The following SAMD5 variants were observed in gnomAD, a reference collection of about 807,000 sequenced individuals.
SAMD5 encodes the protein sterile alpha motif domain-containing protein 5.
Under a neutral mutation model 11.3 loss-of-function variants are expected in SAMD5, and 13 were observed. The ratio of observed to expected loss-of-function variants is 1.15; its 90% CI spans 0.75 to 1.83. The LOEUF (loss-of-function observed/expected upper bound fraction) is 1.83. SAMD5 is among the 40% of genes most tolerant of loss of function. The pLI, the probability that SAMD5 is intolerant of heterozygous loss-of-function variation, is 0.00. For missense variants in SAMD5, 255 were observed against 239.1 expected (o/e 1.07, Z -0.44); for synonymous variants, 129 against 111.3 (o/e 1.16, Z -1.00).
the SAMD5 span, among the ~76,000 whole-genome samples, chr6:147,777,873 A>G: frequency 6.6e-6 from 1 of 152,114 alleles, no homozygotes; most frequent in Non-Finnish European, 1.5e-5. Flanking sequence ...AAAATATTCC[A>G]TTGTATGTAT....
chr6:147,606,430 G>T (rs1273786818), intron 1 of SAMD5, among the ~76,000 whole-genome samples: 2 of 151,972 alleles, frequency 1.3e-5, no homozygotes, highest in African/African-American at 4.8e-5. Flanking sequence ...CCATGGGTGA[G>T]ATTAGGCAGG....
chr6:147,691,568 C>T (rs1791103690), intron 1 of SAMD5, among the ~76,000 whole-genome samples: 1 of 152,060 alleles, frequency 6.6e-6, no homozygotes, highest in African/African-American at 2.4e-5. Context: ...AATGTAGCAG[C>T]TTGGGAAGCT....
intron 1 of SAMD5, among the ~76,000 whole-genome samples, chr6:147,539,795 G>T (rs1477800143): frequency 6.6e-6 from 1 of 151,628 alleles, no homozygotes; most frequent in Admixed American, 6.6e-5. Context: ...AAAACCTAAA[G>T]GCCTTTTAAA....
chr6:147,638,226 C>T (rs1053553877), intron 1 of SAMD5, among the ~76,000 whole-genome samples: 6 of 152,086 alleles, frequency 3.9e-5, no homozygotes, highest in Admixed American at 2.6e-4. Flanking sequence ...CATTGCTTCT[C>T]GATAAGAAAC....
chr6:147,539,017 T>C (rs1460962180), intron 1 of SAMD5, among the ~76,000 whole-genome samples: 2 of 152,180 alleles, frequency 1.3e-5, no homozygotes, highest in African/African-American at 4.8e-5. Context: ...TTTGCCAGTT[T>C]TGTAATTGGA....
At chr6:147,853,416 A>G in the SAMD5 span, among the ~76,000 whole-genome samples, 5 of 152,100 alleles carry the variant, frequency 3.3e-5, no homozygotes, top group Admixed American at 6.6e-5. Flanking sequence ...AATATCAAGC[A>G]GGAGCTAACT....
chr6:147,562,892 A>G (rs1454485176), intron 1 of SAMD5, among the ~76,000 whole-genome samples: 1 of 152,086 alleles, frequency 6.6e-6, no homozygotes, highest in Admixed American at 6.5e-5. Context: ...TCCCTTCTCT[A>G]TGGAATTTTC....
chr6:147,588,936 T>C (rs764416581), intron 1 of SAMD5, among the ~76,000 whole-genome samples: 26 of 152,062 alleles, frequency 1.7e-4, no homozygotes, highest in Admixed American at 2.0e-4. Flanking sequence ...TACCTTCTGG[T>C]TTATGCCTGT....
chr6:147,879,871 G>A, the SAMD5 span, among the ~76,000 whole-genome samples: 831 of 152,296 alleles, frequency 5.5e-3, 17 homozygotes, highest in East Asian at 0.048. Flanking sequence ...ACACCTAGAC[G>A]TGGTTTCTTT....
the SAMD5 span, among the ~76,000 whole-genome samples, chr6:147,823,166 T>C: frequency 6.6e-6 from 1 of 152,210 alleles, no homozygotes; most frequent in South Asian, 2.1e-4. Flanking sequence ...GTGCTTGACT[T>C]ATTTATATTT....
Position 147,673,334 on chromosome 6 carries a change from C to T in SAMD5, c.163-63983C>T, listed in dbSNP as rs368972890. ...GTTCACGCCATTCTCCTGCCTCAGC[C>T]TCCTGAGTAGCTGGGACTACAGGTG... On this transcript the variant is annotated intron_variant, in intron 1 of 1. Transcript: ENST00000566741. Among the ~76,000 whole-genome samples the T allele has an allele frequency of 5.3e-4, 80 of 152,174 alleles. No homozygotes were observed. In the East Asian group the frequency reaches 0.014, roughly 26 times the overall value.
intron 1 of SAMD5, among the ~76,000 whole-genome samples, chr6:147,509,800 CT>C (rs1788059904): frequency 6.6e-6 from 1 of 152,086 alleles, no homozygotes; most frequent in Non-Finnish European, 1.5e-5. Context: ...CTTTCTTTTC[CT>C]TTTTTGAGTC....
downstream of SAMD5, among the ~76,000 whole-genome samples, chr6:147,571,033 C>T (rs1789129467): frequency 1.3e-5 from 2 of 152,148 alleles, no homozygotes; most frequent in South Asian, 4.1e-4. Context: ...GAACTTAGAT[C>T]CCTGGTTTTT....
At chr6:147,916,818 G>A in the SAMD5 span, among the ~76,000 whole-genome samples, 1 of 148,382 alleles carries the variant, frequency 6.7e-6, no homozygotes, top group Non-Finnish European at 1.5e-5. Flanking sequence ...TTGGTTTTTT[G>A]TTCTTGCAAT....
chr6:147,616,313 ATTCATATATAC>A (rs1174521780), intron 1 of SAMD5, among the ~76,000 whole-genome samples: 32 of 144,578 alleles, frequency 2.2e-4, no homozygotes, highest in African/African-American at 7.5e-4. Flanking sequence ...ATATATATTT[ATTCATATATAC>A]TTCATATATA....
chr6:147,607,994 C>A (rs577428319), intron 1 of SAMD5, among the ~76,000 whole-genome samples: 1 of 152,216 alleles, frequency 6.6e-6, no homozygotes, highest in East Asian at 1.9e-4. Context: ...ATAGAAATTT[C>A]TCAAAAGAAG....
At chr6:147,701,780 C>G (rs1188288860) in intron 1 of SAMD5, among the ~76,000 whole-genome samples, 1 of 152,106 alleles carries the variant, frequency 6.6e-6, no homozygotes, top group Admixed American at 6.5e-5. Flanking sequence ...CCTTAATATG[C>G]TTGCCAAACA....
At chr6:147,857,675 G>A in the SAMD5 span, among the ~76,000 whole-genome samples, 3 of 149,370 alleles carry the variant, frequency 2.0e-5, no homozygotes, top group East Asian at 5.8e-4. Context: ...CCTCACCTTA[G>A]AATTTTTTCT....
intron 1 of SAMD5, among the ~76,000 whole-genome samples, chr6:147,669,046 T>C (rs1459527243): frequency 6.6e-6 from 1 of 152,168 alleles, no homozygotes; most frequent in Non-Finnish European, 1.5e-5. Flanking sequence ...AGGGTGGTGG[T>C]TGCAGAACGT....
Sources: gnomAD v4.1 joint callset for allele counts (sites outside exome capture counted in the v4.1 genomes callset) on GRCh38, gnomAD v4.1.1 for gene constraint, MANE v1.5 for transcripts, NCBI Gene and HGNC (gene_info 2026-07-23, HGNC 2026-07-21) for gene names.